The following SLCO3A1 variants were observed in gnomAD, a reference collection of about 807,000 sequenced individuals.
SLCO3A1 encodes the protein solute carrier organic anion transporter family member 3A1.
In SLCO3A1, 27 loss-of-function variants were observed where a neutral mutation model predicts 63.1. That is an observed-to-expected ratio of 0.43 (90% CI 0.32 to 0.59). SLCO3A1 has a LOEUF of 0.59. Among genes scored for constraint, SLCO3A1 ranks in the 20% least tolerant of loss-of-function variants. SLCO3A1 has a pLI of 0.09. For missense variants in SLCO3A1, 773 were observed against 945.8 expected (o/e 0.82, Z 2.40); for synonymous variants, 473 against 409.9 (o/e 1.15, Z -1.86).
intron 2 of SLCO3A1, among the ~76,000 whole-genome samples, chr15:92,034,737 T>C (rs1384094659): frequency 6.6e-6 from 1 of 151,902 alleles, no homozygotes; most frequent in Non-Finnish European, 1.5e-5. Flanking sequence ...CTTTCACGCC[T>C]GGGAAGGCCT....
intron 2 of SLCO3A1, among the ~76,000 whole-genome samples, chr15:91,974,126 G>A (rs1020485803): frequency 1.3e-5 from 2 of 151,960 alleles, no homozygotes; most frequent in Non-Finnish European, 2.9e-5. Context: ...AAAGACTCAC[G>A]GGATGTGGGA....
At chr15:92,059,763 G>A (rs545143520) in intron 2 of SLCO3A1, among the ~76,000 whole-genome samples, 1 of 152,318 alleles carries the variant, frequency 6.6e-6, no homozygotes, top group South Asian at 2.1e-4. Flanking sequence ...CATCAGACCA[G>A]CATTGCTGCC....
chr15:92,071,716 G>A lies in SLCO3A1; in HGVS notation c.647-23165G>A, dbSNP rs568612958. 1.2e-4 allele frequency among the ~76,000 whole-genome samples: 18 copies of A among 152,256 alleles called. No individual in the cohort carries two copies. The South Asian group carries it at 2.9e-3, about 25-fold the overall frequency. On this transcript the variant is annotated intron_variant, in intron 2 of 9. Coordinates refer to ENST00000318445, the MANE Select transcript of SLCO3A1 (RefSeq NM_013272.4). ...CTCCTCTGGCCCCAGTTCTTCAGTCGTGACACCTGGGGATATGTCCTTTCA... is the reference window on the plus strand; with the variant it reads ...CTCCTCTGGCCCCAGTTCTTCAGTCATGACACCTGGGGATATGTCCTTTCA...
intron 2 of SLCO3A1, among the ~76,000 whole-genome samples, chr15:91,994,295 C>A (rs1248958225): frequency 1.3e-5 from 2 of 152,024 alleles, no homozygotes; most frequent in Non-Finnish European, 2.9e-5. Context: ...AACTGAGGCC[C>A]AGAGATTATA....
At chr15:92,077,202 T>A (rs2047288166) in intron 2 of SLCO3A1, among the ~76,000 whole-genome samples, 1 of 152,042 alleles carries the variant, frequency 6.6e-6, no homozygotes, top group South Asian at 2.1e-4. Context: ...CCCGTGGGAA[T>A]TATGGGAGCT....
chr15:91,956,409 C>G (rs1287905239), intron 2 of SLCO3A1, among the ~76,000 whole-genome samples: 3 of 152,152 alleles, frequency 2.0e-5, no homozygotes, highest in Non-Finnish European at 4.4e-5. Flanking sequence ...GTTTTTCCCT[C>G]CAGCTTTGCA....
intron 2 of SLCO3A1, among the ~76,000 whole-genome samples, chr15:91,945,974 A>T (rs1162543294): frequency 6.6e-6 from 1 of 152,242 alleles, no homozygotes; most frequent in East Asian, 1.9e-4. Flanking sequence ...TCAAACACTC[A>T]TCCCTTTTCC....
At chr15:91,921,711 A>G (rs951241243) in intron 2 of SLCO3A1, among the ~76,000 whole-genome samples, 1 of 150,000 alleles carries the variant, frequency 6.7e-6, no homozygotes, top group African/African-American at 2.4e-5. Flanking sequence ...CATAAAATTT[A>G]TTCAGATTTC....
At chr15:92,136,839 C>T (rs2048063680) in intron 7 of SLCO3A1, among the ~76,000 whole-genome samples, 1 of 152,070 alleles carries the variant, frequency 6.6e-6, no homozygotes, top group African/African-American at 2.4e-5. Flanking sequence ...TATTCTGTAC[C>T]TCACTATTTT....
rs1438448750 is a variant in SLCO3A1, at chr15:91,862,157, T to A, written c.180+8069T>A. On this transcript the variant is annotated intron_variant, in intron 1 of 9. Coordinates refer to ENST00000318445, the MANE Select transcript of SLCO3A1 (RefSeq NM_013272.4). This position sits in a 1 kb window ranked among gnomAD's most constrained non-coding sequence, Gnocchi z 4.0. The stretch of plus-strand genomic sequence containing the variant: ...GTAATGATGAAGTCTTATTTTTTTA[T>A]TTTTTATTTTTTTTTTGAGACAGTC... 6.7e-6 allele frequency among the ~76,000 whole-genome samples: 1 copy of A among 150,060 alleles called. No individual in the cohort carries two copies. Among genetic ancestry groups the A allele is most frequent in the Non-Finnish European group, 1.5e-5 (1 of 67,992 alleles).
chr15:92,166,688 A>G (rs2048495442), downstream of SLCO3A1, among the ~76,000 whole-genome samples: 1 of 152,198 alleles, frequency 6.6e-6, no homozygotes, highest in Non-Finnish European at 1.5e-5. Context: ...CAGGAAAAAG[A>G]TTCTCCTGTG....
intron 2 of SLCO3A1, among the ~76,000 whole-genome samples, chr15:91,961,154 C>T (rs537409598): frequency 6.6e-6 from 1 of 152,302 alleles, no homozygotes; most frequent in East Asian, 1.9e-4. Flanking sequence ...CTTAGTTTAT[C>T]TCATTCTAGT....
chr15:91,992,942 G>A (rs966053192), intron 2 of SLCO3A1, among the ~76,000 whole-genome samples: 1 of 152,208 alleles, frequency 6.6e-6, no homozygotes, highest in African/African-American at 2.4e-5. Context: ...AAGCTGCCAA[G>A]TATGATGATT....
chr15:91,869,639 C>T (rs1388990144), intron 1 of SLCO3A1, among the ~76,000 whole-genome samples: 3 of 152,020 alleles, frequency 2.0e-5, no homozygotes, highest in African/African-American at 4.8e-5. Flanking sequence ...ATTGAGGCTG[C>T]AGTGAGCCGT....
chr15:92,163,025 C>T lies in SLCO3A1; in HGVS notation c.2023C>T (p.Leu675=). The change falls in exon 10 of 10, where the codon CTA becomes TTA. Residue 675 remains leucine, a synonymous_variant. Transcript: ENST00000318445. ...TGAGTTCTTTGCCTCTACTCTGACC[C>T]TAGACAACCTGGGGAGGGACCCTGT... is the stretch of plus-strand genomic sequence containing the variant. ...TSEFFASTLT[L]DNLGRDPVPA... 6.2e-7 allele frequency: 1 copy of T among 1,605,932 alleles called. No homozygotes were observed. The highest frequency in any genetic ancestry group is 8.5e-7 in the Non-Finnish European group (1 of 1,175,356).
intron 3 of SLCO3A1, among the ~76,000 whole-genome samples, chr15:92,102,678 T>TCAGCATCTCCAGGA (rs2047620436): frequency 6.6e-6 from 1 of 152,208 alleles, no homozygotes; most frequent in Admixed American, 6.5e-5. Flanking sequence ...TGGGTGTATG[T>TCAGCATCTCCAGGA]CAGCATCTCC....
At chr15:92,096,849 C>T (rs145445970) in intron 3 of SLCO3A1, among the ~76,000 whole-genome samples, 31 of 152,200 alleles carry the variant, frequency 2.0e-4, no homozygotes, top group Admixed American at 1.3e-3. Context: ...GAGTCTGTTC[C>T]GAAGGTGATT....
intron 2 of SLCO3A1, among the ~76,000 whole-genome samples, chr15:92,094,440 C>T (rs565529765): frequency 8.5e-5 from 13 of 152,314 alleles, no homozygotes; most frequent in African/African-American, 1.7e-4. Flanking sequence ...ATTATCCTCA[C>T]TTCACAAAAA....
intron 2 of SLCO3A1, among the ~76,000 whole-genome samples, chr15:91,962,420 G>A (rs1212706297): frequency 2.0e-5 from 3 of 148,430 alleles, no homozygotes; most frequent in Non-Finnish European, 4.5e-5. Flanking sequence ...CAGAGGTTGC[G>A]GTGAACTGAG....
Sources: gnomAD v4.1 joint callset for allele counts (sites outside exome capture counted in the v4.1 genomes callset) on GRCh38, gnomAD v4.1.1 for gene constraint, Gnocchi (gnomAD v3.1) non-coding constraint, MANE v1.5 for transcripts, NCBI Gene and HGNC (gene_info 2026-07-23, HGNC 2026-07-21) for gene names.